The following HLA-DPA1 variants were observed in gnomAD, a reference collection of about 807,000 sequenced individuals.
HLA-DPA1 encodes major histocompatibility complex, class II, DP alpha 1, also known as HLA class II histocompatibility antigen, DP alpha 1 chain.
HLA-DPA1 carries 20 observed loss-of-function variants against 21.5 expected under a neutral mutation model. That is an observed-to-expected ratio of 0.93 (90% confidence interval 0.66 to 1.35). The LOEUF (loss-of-function observed/expected upper bound fraction) is 1.35, where lower values mean the gene tolerates loss of function less well. Ranked by LOEUF, HLA-DPA1 falls within the 40% of genes most tolerant of loss-of-function variation. The pLI, the probability that HLA-DPA1 is intolerant of heterozygous loss-of-function variation, is 0.00. For synonymous variants in HLA-DPA1, 123 were observed against 129.6 expected, an observed-to-expected ratio of 0.95 and a Z score of 0.35; for missense variants, 279 against 323.0, an observed-to-expected ratio of 0.86 and a Z score of 1.05.
chr6:33,073,295 G>A, intron 2 of HLA-DPA1, 176 bp downstream of exon 1: 3 of 552,366 alleles, frequency 5.4e-6, no homozygotes, highest in Non-Finnish European at 9.7e-6. Flanking sequence ...AACTATGCAG[G>A]AGTCTCATAA....
At chr6:33,073,644 G>A (rs1562133973) in exon 2 of HLA-DPA1, 2 of 1,048,098 alleles carry the variant, frequency 1.9e-6, no homozygotes, top group African/African-American at 1.6e-5. Flanking sequence ...GGAGGCAGAT[G>A]AGACTGAAAC....
At chr6:33,069,048 C>T in exon 4 of HLA-DPA1, 2 of 1,612,984 alleles carry the variant, frequency 1.2e-6, no homozygotes, top group Non-Finnish European at 8.5e-7. Context: ...CTGGTCCAAG[C>T]CCCAGTGCTC....
In HLA-DPA1 at chr6:33,068,667, C is replaced by A. The variant is rs533994936; in HGVS notation, c.766G>T (p.Ala256Ser). The change falls in exon 5 of 6, where the codon GCC becomes TCC. Residue 256 changes from alanine to serine, a missense_variant. By Grantham distance (99) the Ala-to-Ser change is moderately conservative. Transcript: ENST00000419277. ...ACAGTATTTCACAGGGTCCCCTGGGCCCGGGGGTCATGGCCAGAACGCAGA... is the reference window on the plus strand; with the variant it reads ...ACAGTATTTCACAGGGTCCCCTGGGACCGGGGGTCATGGCCAGAACGCAGA... 6.1e-5 allele frequency: 98 copies of A among 1,612,776 alleles called. 1 individual carries two copies. In the South Asian group the frequency reaches 1.0e-3, roughly 16 times the overall value.
At chr6:33,070,169 C>CA (rs1226467043) in intron 2 of HLA-DPA1, among the ~76,000 whole-genome samples, 3 of 152,196 alleles carry the variant, frequency 2.0e-5, no homozygotes, top group African/African-American at 7.2e-5. Flanking sequence ...TGACCCTACA[C>CA]AATAGTAATA....
At chr6:33,080,723 A>T, upstream of HLA-DPA1, 2 of 1,613,606 alleles carry the variant, frequency 1.2e-6, no homozygotes, top group Middle Eastern at 3.3e-4. The surrounding 1 kb of genome is among the most constrained non-coding windows in gnomAD (Gnocchi z 4.3). Flanking sequence ...AATGGGACAC[A>T]GCGCTTCCTG....
In HLA-DPA1 at chr6:33,073,576, G is replaced by A. The variant is rs142724682; in HGVS notation, c.-6C>T. The A allele has an allele frequency of 1.3e-3, 2,116 of 1,605,584 alleles. 36 individuals are homozygous for A. In the East Asian group the frequency reaches 0.014, roughly 11 times the overall value. ...ATTCTGTCTTCAGGGCGCATGTTGT[G>A]GGGTCTATAATTGATGACTGTGAGC... On this transcript the variant is annotated 5_prime_UTR_variant, in exon 2 of 6. Transcript: ENST00000419277.
At chr6:33,069,109 G>A in exon 4 of HLA-DPA1, 12 of 1,613,068 alleles carry the variant, frequency 7.4e-6, no homozygotes, top group Non-Finnish European at 1.0e-5. Context: ...GTCAGGTAAT[G>A]GAACTTGTGG....
intron 2 of HLA-DPA1, among the ~76,000 whole-genome samples, chr6:33,070,771 T>C (rs2301222): frequency 0.29 from 43,989 of 152,006 alleles, 8,401 homozygotes; most frequent in East Asian, 0.69. Flanking sequence ...ACTCATGACT[T>C]GGGGGTTTAG....
rs142579051 is a variant in HLA-DPA1 at position 33,069,929 on chromosome 6, T to C, written c.101-43A>G. 1.3e-3 allele frequency: 2,012 copies of C among 1,576,342 alleles called. 33 individuals carry two copies. The East Asian group carries it at 0.014, about 11-fold the overall frequency. The stretch of plus-strand genomic sequence containing the variant: ...AGAAAAACACGACAAAATGTCAGTT[T>C]GAATATGCAAGTGGTCAAAGCTAGA... On this transcript the variant is annotated intron_variant, in intron 2 of 5. Coordinates refer to ENST00000419277, the Ensembl canonical transcript of HLA-DPA1.
chr6:33,074,797 C>A (rs1451040045), intron 1 of HLA-DPA1, among the ~76,000 whole-genome samples: 1 of 152,138 alleles, frequency 6.6e-6, no homozygotes, highest in African/African-American at 2.4e-5. Context: ...GTCTAATTAT[C>A]TATGGCAGGT....
At chr6:33,073,353 AGACTATGAG>A (rs1254023029) in intron 2 of HLA-DPA1, 109 bp downstream of exon 1, 3 of 698,176 alleles carry the variant, frequency 4.3e-6, no homozygotes, top group East Asian at 5.0e-5. Flanking sequence ...GAGGGAACAT[AGACTATGAG>A]GACCAGATAG....
Position 33,070,052 on chromosome 6 carries a change from A to G in HLA-DPA1, c.101-166T>C, listed in dbSNP as rs1263784934. Among the ~76,000 whole-genome samples the G allele has an allele frequency of 3.3e-5, 5 of 152,256 alleles. No homozygotes were observed. In the East Asian group the frequency reaches 9.6e-4, roughly 29 times the overall value. ...AAGGAGCAACACCATAAAGGAAATA[A>G]TACAGAGCAGATGAGCAGTTATAAA... On this transcript the variant is annotated intron_variant, in intron 2 of 5. Transcript: ENST00000419277.
Position 33,073,338 on chromosome 6 carries a change from G to A in HLA-DPA1, c.100+133C>T. 6.1e-6 allele frequency: 4 copies of A among 656,150 alleles called. 1 individual carries two copies. In the East Asian group the frequency reaches 1.0e-4, roughly 17 times the overall value. 40.6% of individuals were successfully genotyped at this position (656,150 alleles called of 1,614,324 possible). The stretch of plus-strand genomic sequence containing the variant: ...CTGTTATTGCTGTTATTATTATGAG[G>A]GCCAGAGGGAACATAGACTATGAGG... On this transcript the variant is annotated intron_variant, in intron 2 of 5. Coordinates refer to ENST00000419277, the Ensembl canonical transcript of HLA-DPA1.
intron 1 of HLA-DPA1, among the ~76,000 whole-genome samples, chr6:33,076,996 T>C (rs955507645): frequency 1.3e-5 from 2 of 151,996 alleles, no homozygotes; most frequent in Middle Eastern, 3.2e-3. Context: ...TGTATACATG[T>C]GCCATGTTGG....
Position 33,080,406 on chromosome 6 carries a change from T to G in HLA-DPA1, c.-100+274A>C, listed in dbSNP as rs548325353. ...ACCAGCAGAAGGGACTGCCTTCCCC[T>G]CAGTGCTCGCCCCTCCCTAGTGATC... On this transcript the variant is annotated intron_variant, in intron 1 of 5. Coordinates refer to ENST00000419277, the Ensembl canonical transcript of HLA-DPA1. This position sits in a 1 kb window ranked among gnomAD's most constrained non-coding sequence, Gnocchi z 4.3. 18 of 664,094 alleles carry G rather than the reference T, an allele frequency of 2.7e-5. No homozygotes were observed. The highest frequency in any genetic ancestry group is 4.8e-5 in the Non-Finnish European group (17 of 354,740). The allele number at this position is 664,094 out of a possible 1,614,324, so 41.1% of individuals were successfully genotyped here.
At chr6:33,068,209 T>C (rs3179777) in intron 5 of HLA-DPA1, 44,179 of 155,248 alleles carry the variant, frequency 0.28, 8,406 homozygotes, top group East Asian at 0.68. Context: ...TATTTGGCAA[T>C]GGACTCTGGA....
At chr6:33,076,205 C>A in intron 1 of HLA-DPA1, 1 of 1,110,036 alleles carries the variant, frequency 9.0e-7, no homozygotes, top group Non-Finnish European at 1.3e-6. Context: ...GGGACGTTAT[C>A]TTTAAGGGAT....
chr6:33,074,819 A>C (rs1301995109), intron 1 of HLA-DPA1, among the ~76,000 whole-genome samples: 4 of 152,228 alleles, frequency 2.6e-5, no homozygotes, highest in Non-Finnish European at 5.9e-5. Flanking sequence ...AATGACAAGG[A>C]GAAAAGTCCC....
chr6:33,072,710 G>C (rs1357039176), intron 2 of HLA-DPA1, among the ~76,000 whole-genome samples: 1 of 152,160 alleles, frequency 6.6e-6, no homozygotes, highest in Non-Finnish European at 1.5e-5. Context: ...GCACAGGCTT[G>C]ATGTCATTCT....
Sources: gnomAD v4.1 joint callset for allele counts (sites outside exome capture counted in the v4.1 genomes callset) on GRCh38, gnomAD v4.1.1 for gene constraint, Gnocchi (gnomAD v3.1) non-coding constraint, MANE v1.5 for transcripts, NCBI Gene and HGNC (gene_info 2026-07-23, HGNC 2026-07-21) for gene names.